Variants in XIRP2 observed in about 807,000 individuals in gnomAD.
XIRP2 encodes xin actin-binding repeat-containing protein 2.
A neutral mutation model predicts 277.0 loss-of-function variants in XIRP2; 236 were observed. That is an observed-to-expected ratio of 0.85 (90% CI 0.77 to 0.95). XIRP2 has a LOEUF of 0.95. XIRP2 is among the 40% of genes least tolerant of loss of function. The pLI is 0.00. For synonymous variants in XIRP2, 1,490 were observed against 1,416.5 expected, an observed-to-expected ratio of 1.05 and a Z score of -1.17; for missense variants, 4,640 against 4,157.5, an observed-to-expected ratio of 1.12 and a Z score of -3.19.
intron 3 of XIRP2, among the ~76,000 whole-genome samples, chr2:167,153,127 T>C (rs1012365503): frequency 1.3e-5 from 2 of 152,152 alleles, no homozygotes; most frequent in African/African-American, 2.4e-5. Context: ...AATTAATTGA[T>C]TAATTTTACC....
chr2:167,096,107 G>T (rs966955673), intron 2 of XIRP2, among the ~76,000 whole-genome samples: 1 of 151,008 alleles, frequency 6.6e-6, no homozygotes, highest in Non-Finnish European at 1.5e-5. Flanking sequence ...TATTGGGAAT[G>T]GTTTCAGAAG....
At position 167,164,318 on chromosome 2, in the gene XIRP2, C is replaced by T. The variant is rs868312019; in HGVS notation, c.562+28256C>T. ...AAAATTAGCCGGGCGTGTTAGCCGG[C>T]GCCTGTAGTCCCAGCTACTCGGGAG... On this transcript the variant is annotated intron_variant, in intron 3 of 10. Transcript: ENST00000409195. Among the ~76,000 whole-genome samples the T allele has an allele frequency of 1.8e-4, 28 of 151,800 alleles. No homozygotes were observed. The South Asian group carries it at 5.6e-3, about 30-fold the overall frequency.
At chr2:167,255,602 C>G (rs1246502294) in intron 10 of XIRP2, among the ~76,000 whole-genome samples, 1 of 151,744 alleles carries the variant, frequency 6.6e-6, no homozygotes, top group African/African-American at 2.4e-5. Flanking sequence ...ATTACATCTG[C>G]CCTCCCCATT....
intron 2 of XIRP2, among the ~76,000 whole-genome samples, chr2:167,112,044 C>T (rs565038994): frequency 6.6e-6 from 1 of 151,954 alleles, no homozygotes; most frequent in South Asian, 2.1e-4. Context: ...TTATTTAGAC[C>T]TTCTCTCTTT....
intron 2 of XIRP2, among the ~76,000 whole-genome samples, chr2:167,108,218 G>A (rs537788760): frequency 3.3e-5 from 5 of 151,902 alleles, no homozygotes; most frequent in African/African-American, 1.2e-4. Flanking sequence ...CCCGTTCTTA[G>A]TAATTTTGTG....
intron 3 of XIRP2, among the ~76,000 whole-genome samples, chr2:167,139,331 A>G (rs1691646017): frequency 6.6e-6 from 1 of 152,110 alleles, no homozygotes; most frequent in African/African-American, 2.4e-5. Context: ...GAGTTTTTTA[A>G]TATGACAATT....
intron 2 of XIRP2, among the ~76,000 whole-genome samples, chr2:167,061,567 C>T (rs1441202642): frequency 4.0e-5 from 6 of 151,846 alleles, no homozygotes; most frequent in Non-Finnish European, 8.8e-5. Context: ...CCCCAGTATC[C>T]GTGGATATGA....
intron 2 of XIRP2, among the ~76,000 whole-genome samples, chr2:167,061,030 A>G (rs1244106812): frequency 6.6e-6 from 1 of 152,058 alleles, no homozygotes; most frequent in African/African-American, 2.4e-5. Context: ...TTTCTCATTT[A>G]TCAGAGCAAT....
chr2:167,163,063 T>A (rs146851475), intron 3 of XIRP2, among the ~76,000 whole-genome samples: 1 of 152,212 alleles, frequency 6.6e-6, no homozygotes, highest in Non-Finnish European at 1.5e-5. Context: ...TTGCAATTGA[T>A]ACATTCATTA....
intron 2 of XIRP2, among the ~76,000 whole-genome samples, chr2:166,959,334 A>G (rs924259122): frequency 8.6e-5 from 13 of 151,854 alleles, no homozygotes; most frequent in African/African-American, 3.1e-4. Context: ...GACAAGTGCA[A>G]TAACTCATTT....
At chr2:167,196,915 G>A (rs1693538086) in intron 3 of XIRP2, among the ~76,000 whole-genome samples, 1 of 152,138 alleles carries the variant, frequency 6.6e-6, no homozygotes, top group Non-Finnish European at 1.5e-5. Context: ...GGGGAGGCTA[G>A]TTATTTTCTT....
intron 2 of XIRP2, among the ~76,000 whole-genome samples, chr2:167,123,301 G>A (rs144416642): frequency 4.6e-5 from 7 of 152,048 alleles, no homozygotes; most frequent in African/African-American, 7.2e-5. Flanking sequence ...GTCAGTGACC[G>A]TTATTAAGAA....
chr2:167,246,419 G>C lies in XIRP2; in HGVS notation c.5027G>C (p.Gly1676Ala). 1 of 1,613,612 alleles carries C rather than the reference G, an allele frequency of 6.2e-7. No individual in the cohort carries two copies. ...TCTGAGGAAAGATCTGTAAAGAAAG[G>C]CATCTTAATTCAGGAAGATGAAAAA... Reference protein sequence around the residue: ...LFSEERSVKKGILIQEDEKGD... With the variant: ...LFSEERSVKKAILIQEDEKGD... The change falls in exon 9 of 11, where the codon GGC becomes GCC. Residue 1676 changes from glycine (G) to alanine (A), a missense_variant. Gly to Ala is a moderately conservative substitution (Grantham distance 60). Coordinates refer to ENST00000409195, the MANE Select transcript of XIRP2 (RefSeq NM_152381.6).
chr2:167,248,373 C>T lies in XIRP2; in HGVS notation c.6981C>T (p.Pro2327=). Residue 2327 remains proline, a synonymous_variant, in exon 9 of 11, where the codon CCC becomes CCT. Transcript: ENST00000409195. ...TTCCTGAAAAAAATGGGTTTCTTCC[C>T]TCACTGTCCACAGAGAAGATAAAGG... is the stretch of plus-strand genomic sequence containing the variant. ...MMFPEKNGFL[P]SLSTEKIKAE... is the part of the protein sequence containing the mutation. The T allele has an allele frequency of 1.2e-6, 2 of 1,613,690 alleles. No individual in the cohort carries two copies. Among genetic ancestry groups the T allele is most frequent in the Non-Finnish European group, 8.5e-7 (1 of 1,179,808 alleles).
In XIRP2 at chr2:167,172,027, T is replaced by C. The variant is rs115621397; in HGVS notation, c.562+35965T>C. ...GTAGTAATCACATCATGGAAAATTA[T>C]GTATGATCAGGGGAACCCGCCCCCG... On this transcript the variant is annotated intron_variant, in intron 3 of 10. Coordinates refer to ENST00000409195, the MANE Select transcript of XIRP2 (RefSeq NM_152381.6). 5.2e-3 allele frequency among the ~76,000 whole-genome samples: 793 copies of C among 152,322 alleles called. 2 individuals carry two copies. Among genetic ancestry groups the C allele is most frequent in the African/African-American group, 0.017 (727 of 41,572 alleles).
At chr2:167,068,262 C>A (rs1689350331) in intron 2 of XIRP2, among the ~76,000 whole-genome samples, 1 of 152,046 alleles carries the variant, frequency 6.6e-6, no homozygotes, top group Non-Finnish European at 1.5e-5. Context: ...AAAAAACAAA[C>A]AAACACACAC....
At chr2:167,151,714 A>G (rs1692022211) in intron 3 of XIRP2, among the ~76,000 whole-genome samples, 1 of 152,144 alleles carries the variant, frequency 6.6e-6, no homozygotes, top group African/African-American at 2.4e-5. Flanking sequence ...CGCTTGCTTC[A>G]AAAATGTGGT....
chr2:167,123,377 G>GATAT (rs1691109249), intron 2 of XIRP2, among the ~76,000 whole-genome samples: 1 of 152,134 alleles, frequency 6.6e-6, no homozygotes, highest in African/African-American at 2.4e-5. Flanking sequence ...TACTTTAATA[G>GATAT]ATATATAAAT....
chr2:166,997,918 A>AG (rs1687267604), intron 2 of XIRP2, among the ~76,000 whole-genome samples: 1 of 149,676 alleles, frequency 6.7e-6, no homozygotes, highest in East Asian at 2.0e-4. Flanking sequence ...AAAAAAAAAA[A>AG]GAAGAAGAAG....
Sources: gnomAD v4.1 joint callset for allele counts (sites outside exome capture counted in the v4.1 genomes callset) on GRCh38, gnomAD v4.1.1 for gene constraint, MANE v1.5 for transcripts, NCBI Gene and HGNC (gene_info 2026-07-23, HGNC 2026-07-21) for gene names.